Variants in RASAL1 observed in about 807,000 individuals in gnomAD.
RASAL1 encodes rasGAP-activating-like protein 1.
RASAL1 carries 72 observed loss-of-function variants against 96.6 expected under a neutral mutation model. The observed-to-expected ratio is 0.75, with a 90% CI of 0.62 to 0.91. RASAL1 has a LOEUF of 0.91. RASAL1 is among the 40% of genes least tolerant of loss of function. The pLI is 0.00. For missense variants in RASAL1, 1,016 were observed against 1,072.5 expected (o/e 0.95, Z 0.74); for synonymous variants, 405 against 430.4 (o/e 0.94, Z 0.73).
At chr12:113,128,987 A>G (rs1566070879) in intron 2 of RASAL1, among the ~76,000 whole-genome samples, 1 of 151,944 alleles carries the variant, frequency 6.6e-6, no homozygotes, top group Admixed American at 6.6e-5. Flanking sequence ...ACACACACAC[A>G]CACACACACA....
At chr12:113,108,326 G>A (rs964676705) in intron 13 of RASAL1, 104 bp from the exon 14 acceptor site, 2 of 1,364,328 alleles carry the variant, frequency 1.5e-6, no homozygotes, top group Non-Finnish European at 9.8e-7. Context: ...AGAGAAGTAG[G>A]ATGGGGAATT....
chr12:113,119,585 CT>C, intron 5 of RASAL1, 142 bp from the exon 6 acceptor site: 2 of 781,628 alleles, frequency 2.6e-6, no homozygotes, highest in Admixed American at 4.3e-5. Flanking sequence ...AGGGACACCC[CT>C]AACCATGACC....
rs1047416074 is a variant in RASAL1 at position 113,130,376 on chromosome 12, C to T, written c.122+509G>A. Reference sequence around the variant, plus strand: ...TGCACGTGCATGTACATGCACCCTACACTGGTACACACACGTGAGCCTGTG... The same window carrying T: ...TGCACGTGCATGTACATGCACCCTATACTGGTACACACACGTGAGCCTGTG... On this transcript the variant is annotated intron_variant, in intron 2 of 20. Transcript: ENST00000548055. This position sits in a 1 kb window ranked among gnomAD's most constrained non-coding sequence, Gnocchi z 5.1. Among the ~76,000 whole-genome samples, 31 of 152,328 alleles carry T rather than the reference C, an allele frequency of 2.0e-4. No individual in the cohort carries two copies. The highest frequency in any genetic ancestry group is 2.0e-3 in the Admixed American group (30 of 15,310).
Position 113,115,114 on chromosome 12 carries a change from C to A in RASAL1, c.1068+86G>T. 3.5e-6 allele frequency: 5 copies of A among 1,408,608 alleles called. No homozygotes were observed. Among genetic ancestry groups the A allele is most frequent in the South Asian group, 2.3e-5 (2 of 85,674 alleles). 87.3% of individuals were successfully genotyped at this position (1,408,608 alleles called of 1,614,324 possible). ...CTCGGCTGCTCAGTGCTGTCTGAAGCCAGCTAAGTGAGGGAGCCAGGTAGG... is the reference window on the plus strand; with the variant it reads ...CTCGGCTGCTCAGTGCTGTCTGAAGACAGCTAAGTGAGGGAGCCAGGTAGG... On this transcript the variant is annotated intron_variant, in intron 11 of 20. Coordinates refer to ENST00000548055, the MANE Select transcript of RASAL1 (RefSeq NM_001301202.2). This position sits in a 1 kb window ranked among gnomAD's most constrained non-coding sequence, Gnocchi z 4.1.
At position 113,119,221 on chromosome 12, in the gene RASAL1, C is replaced by A; in HGVS notation, c.549G>T (p.Val183=). 3 of 1,613,908 alleles carry A rather than the reference C, an allele frequency of 1.9e-6. No homozygotes were observed. Among genetic ancestry groups the A allele is most frequent in the Non-Finnish European group, 2.5e-6 (3 of 1,179,814 alleles). ...CACCTGGCATCTCCCGCAGCTCCAG[C>A]ACTTCATCCCAGTGCGGGAAGCGAG... ...KKTRFPHWDE[V]LELREMPGAP... Residue 183 remains valine, a synonymous_variant, in exon 7 of 21, where the codon GTG becomes GTT. Transcript: ENST00000548055.
chr12:113,132,344 GGA>G (rs1277878115), intron 1 of RASAL1, among the ~76,000 whole-genome samples: 11 of 152,104 alleles, frequency 7.2e-5, no homozygotes, highest in African/African-American at 2.4e-4. Context: ...AACTCCCTGG[GGA>G]GAGTCTGTGT....
rs753080150 is a variant in RASAL1, at chr12:113,100,007, G to A, written c.2340C>T (p.Leu780=). Residue 780 remains leucine, a synonymous_variant, in exon 21 of 21, where the codon CTC becomes CTT. Transcript: ENST00000548055. ...RAATARLLEV[L]ADLDRAHEEF... ...CCTCGTGGGCACGATCCAGGTCTGCGAGCACCTCCAGCAGGCGGGCAGTTG... is the reference window on the plus strand; with the variant it reads ...CCTCGTGGGCACGATCCAGGTCTGCAAGCACCTCCAGCAGGCGGGCAGTTG... The A allele has an allele frequency of 2.7e-5, 44 of 1,613,594 alleles. No individual in the cohort carries two copies. Among genetic ancestry groups the A allele is most frequent in the East Asian group, 1.3e-4 (6 of 44,878 alleles).
chr12:113,134,147 T>G (rs1555249083), intron 1 of RASAL1, among the ~76,000 whole-genome samples: 1 of 152,060 alleles, frequency 6.6e-6, no homozygotes, highest in Non-Finnish European at 1.5e-5. Flanking sequence ...AAGAGTCTGG[T>G]GGGGGGGCTT....
intron 18 of RASAL1, 45 bp from the exon 19 acceptor site, chr12:113,102,054 C>T (rs1950468527): frequency 6.3e-7 from 1 of 1,589,478 alleles, no homozygotes; most frequent in Non-Finnish European, 8.6e-7. Flanking sequence ...CTCTCCCCTT[C>T]CAGAAGCCTC....
rs1048836003 is a variant in RASAL1, at chr12:113,129,681, C to T, written c.122+1204G>A. Among the ~76,000 whole-genome samples, 1 of 152,192 alleles carries T rather than the reference C, an allele frequency of 6.6e-6. No individual in the cohort carries two copies. The highest frequency in any genetic ancestry group is 1.5e-5 in the Non-Finnish European group (1 of 68,026). On this transcript the variant is annotated intron_variant, in intron 2 of 20. Coordinates refer to ENST00000548055, the MANE Select transcript of RASAL1 (RefSeq NM_001301202.2). This position sits in a 1 kb window ranked among gnomAD's most constrained non-coding sequence, Gnocchi z 5.0. ...GCTCCCTTCCTCCCTCCTTTCACCA[C>T]ACTGTGCCCTAAGAAAGAGTGCACA...
At chr12:113,100,228 T>C (rs10507237) in intron 20 of RASAL1, among the ~76,000 whole-genome samples, 160 bp from the exon 21 acceptor site, 16,552 of 152,172 alleles carry the variant, frequency 0.11, 1,114 homozygotes, top group Middle Eastern at 0.19. Context: ...GATAATGGAC[T>C]GGAAACAGGA....
chr12:113,114,351 A>G (rs908804521), intron 12 of RASAL1, among the ~76,000 whole-genome samples: 1 of 151,798 alleles, frequency 6.6e-6, no homozygotes, highest in African/African-American at 2.4e-5. Flanking sequence ...GTGTGCGCCT[A>G]TAGTCCCAGC....
intron 20 of RASAL1, 139 bp downstream of exon 20, chr12:113,100,488 AG>A (rs1950402110): frequency 4.5e-6 from 3 of 669,896 alleles, no homozygotes; most frequent in Non-Finnish European, 5.2e-6. Flanking sequence ...TAGTAGAGAC[AG>A]GGTTTCACCA....
At chr12:113,122,180 T>C (rs1184540107) in intron 4 of RASAL1, among the ~76,000 whole-genome samples, 3 of 152,302 alleles carry the variant, frequency 2.0e-5, no homozygotes, top group East Asian at 3.9e-4. Context: ...ATGCAGGCAG[T>C]ATAGTTAGTT....
chr12:113,114,960 G>A (rs1327717826), intron 11 of RASAL1, 48 bp from the exon 12 acceptor site: 1 of 1,473,644 alleles, frequency 6.8e-7, no homozygotes, highest in Non-Finnish European at 9.5e-7. Context: ...GCGAGGCCGG[G>A]GCATGCCCAT....
chr12:113,126,960 A>G (rs1486897063), intron 4 of RASAL1, among the ~76,000 whole-genome samples: 1 of 148,158 alleles, frequency 6.7e-6, no homozygotes, highest in Non-Finnish European at 1.5e-5. Flanking sequence ...ATTATTATAT[A>G]TAAATATGTT....
Position 113,130,685 on chromosome 12 carries a change from C to T in RASAL1, c.122+200G>A, listed in dbSNP as rs1180666251. On this transcript the variant is annotated intron_variant, in intron 2 of 20. Coordinates refer to ENST00000548055, the MANE Select transcript of RASAL1 (RefSeq NM_001301202.2). The surrounding 1 kb of genome is among the most constrained non-coding windows in gnomAD (Gnocchi z 5.1). ...AGCCCCAGGGAGCCAGCAGGGACAG[C>T]ATTAGGTCCAGAGGGGGAAGGCAGG... 5.3e-5 allele frequency among the ~76,000 whole-genome samples: 8 copies of T among 152,176 alleles called. No individual in the cohort carries two copies. The highest frequency in any genetic ancestry group is 1.9e-4 in the African/African-American group (8 of 41,444).
At chr12:113,103,744 CTT>C (rs1180601382) in intron 18 of RASAL1, 200 bp downstream of exon 18, 1 of 723,212 alleles carries the variant, frequency 1.4e-6, no homozygotes, top group East Asian at 2.7e-5. Flanking sequence ...GTCCTATGCT[CTT>C]TGTGTAAATC....
chr12:113,112,349 C>A, intron 12 of RASAL1, 71 bp from the exon 13 acceptor site: 1 of 1,176,100 alleles, frequency 8.5e-7, no homozygotes, highest in Non-Finnish European at 1.1e-6. Context: ...CCACCGGCCC[C>A]GCTGAGCTCC....
Sources: allele counts gnomAD v4.1 joint callset (sites outside exome capture counted in the v4.1 genomes callset), GRCh38; gene constraint gnomAD v4.1.1; non-coding constraint Gnocchi (gnomAD v3.1); transcripts MANE v1.5; gene names NCBI Gene and HGNC (gene_info 2026-07-23, HGNC 2026-07-21).